Variants in STK32A observed in about 807,000 individuals in gnomAD.
The protein encoded by STK32A is serine/threonine-protein kinase 32A.
A neutral mutation model predicts 53.2 loss-of-function variants in STK32A; 41 were observed. The observed-to-expected ratio is 0.77, with a 90% CI of 0.60 to 1.00. The LOEUF is 1.00. STK32A is among the 50% of genes least tolerant of loss of function. The probability of loss-of-function intolerance (pLI) is 0.00; values close to 1 mark genes in which losing one functional copy is unlikely to be tolerated. For synonymous variants in STK32A, 166 were observed against 162.8 expected, an observed-to-expected ratio of 1.02 and a Z score of -0.15; for missense variants, 458 against 485.8, an observed-to-expected ratio of 0.94 and a Z score of 0.54.
downstream of STK32A, chr5:147,391,738 G>T (rs1757810420): frequency 6.6e-6 from 1 of 152,178 alleles, no homozygotes; most frequent in Non-Finnish European, 1.5e-5. Context: ...TTCTATGCTT[G>T]GAGAGTTAGT....
At chr5:147,259,087 G>T (rs1754372638) in intron 2 of STK32A, among the ~76,000 whole-genome samples, 1 of 152,094 alleles carries the variant, frequency 6.6e-6, no homozygotes, top group East Asian at 1.9e-4. Flanking sequence ...AATCACCCGG[G>T]AGGAACCTGT....
rs1056881451 is a variant in STK32A, at chr5:147,271,942, G to C, written c.53-6182G>C. ...TTACTTTGTGGAGCACGTGATCTCT[G>C]TGACCCACACCCTATTCGTACACTC... is the stretch of plus-strand genomic sequence containing the variant. On this transcript the variant is annotated intron_variant, in intron 2 of 12. Coordinates refer to ENST00000397936, the MANE Select transcript of STK32A (RefSeq NM_001112724.2). Among the ~76,000 whole-genome samples, 3 of 152,086 alleles carry C rather than the reference G, an allele frequency of 2.0e-5. No homozygotes were observed. The East Asian group carries it at 5.8e-4, about 29-fold the overall frequency.
At chr5:147,397,381 A>G in the STK32A span, among the ~76,000 whole-genome samples, 1 of 152,200 alleles carries the variant, frequency 6.6e-6, no homozygotes, top group East Asian at 1.9e-4. Flanking sequence ...TTAAAAAAAT[A>G]CACTGGCCTT....
intron 4 of STK32A, among the ~76,000 whole-genome samples, chr5:147,302,609 A>G (rs1753193809): frequency 1.3e-5 from 2 of 152,110 alleles, no homozygotes; most frequent in African/African-American, 4.8e-5. Flanking sequence ...TAGGTACAAG[A>G]CTATAGGGAG....
chr5:147,396,381 C>T, the STK32A span, among the ~76,000 whole-genome samples: 68,452 of 152,010 alleles, frequency 0.45, 16,179 homozygotes, highest in African/African-American at 0.56. Context: ...ATGGGAAACA[C>T]GGTACCTCCT....
chr5:147,328,880 C>T (rs561045860), intron 5 of STK32A, among the ~76,000 whole-genome samples: 1 of 152,180 alleles, frequency 6.6e-6, no homozygotes, highest in Non-Finnish European at 1.5e-5. Context: ...TGAATTTAAG[C>T]TAATGAGATG....
At chr5:147,365,360 T>C (rs991904988) in intron 8 of STK32A, among the ~76,000 whole-genome samples, 2 of 152,196 alleles carry the variant, frequency 1.3e-5, no homozygotes, top group Non-Finnish European at 2.9e-5. Context: ...CCTGAGGAAG[T>C]CATTGTAGCA....
intron 1 of STK32A, among the ~76,000 whole-genome samples, chr5:147,235,774 A>G (rs570306552): frequency 1.1e-3 from 173 of 152,336 alleles, no homozygotes; most frequent in South Asian, 5.4e-3. Flanking sequence ...TAAAATGTTT[A>G]TCACATCCGT....
intron 2 of STK32A, among the ~76,000 whole-genome samples, chr5:147,261,238 G>A (rs1163947236): frequency 2.6e-5 from 4 of 152,140 alleles, no homozygotes; most frequent in African/African-American, 4.8e-5. Context: ...AATAGCACTC[G>A]AATATAAAAT....
chr5:147,258,724 A>G (rs915995517), intron 2 of STK32A, among the ~76,000 whole-genome samples: 4 of 151,986 alleles, frequency 2.6e-5, no homozygotes, highest in African/African-American at 9.7e-5. Flanking sequence ...CTCCAAAGCC[A>G]ACTTCCTTTA....
chr5:147,327,329 C>A (rs1032937544), intron 5 of STK32A, among the ~76,000 whole-genome samples: 1 of 151,938 alleles, frequency 6.6e-6, no homozygotes, highest in African/African-American at 2.4e-5. Flanking sequence ...TTCAAGATAA[C>A]AAAACACCTT....
chr5:147,266,593 C>T (rs71580434), intron 2 of STK32A, among the ~76,000 whole-genome samples: 13,952 of 152,176 alleles, frequency 0.092, 808 homozygotes, highest in Middle Eastern at 0.18. Flanking sequence ...TACTATGATA[C>T]GTCCAAAATG....
the STK32A span, chr5:147,394,146 A>AG: frequency 4.3e-6 from 7 of 1,610,134 alleles, no homozygotes; most frequent in Admixed American, 3.4e-5. Flanking sequence ...ATAAATTCCC[A>AG]GGGGGAAAAA....
chr5:147,249,932 A>AAAAAAAAAAT, intron 2 of STK32A, among the ~76,000 whole-genome samples: 2 of 150,482 alleles, frequency 1.3e-5, no homozygotes, highest in Admixed American at 6.6e-5. Context: ...AAAAAAAAAA[A>AAAAAAAAAAT]GTGGCCTCAT....
downstream of STK32A, among the ~76,000 whole-genome samples, chr5:147,388,312 G>A (rs536140221): frequency 7.9e-5 from 12 of 152,332 alleles, no homozygotes; most frequent in Non-Finnish European, 1.0e-4. Context: ...GCAGCTAAAA[G>A]CAACCTCTGC....
At chr5:147,260,531 G>A (rs967400940) in intron 2 of STK32A, among the ~76,000 whole-genome samples, 9 of 152,044 alleles carry the variant, frequency 5.9e-5, no homozygotes, top group African/African-American at 2.2e-4. Context: ...TCAAACCAGG[G>A]ATGTCTCGCC....
At chr5:147,365,865 C>T (rs974068980) in intron 8 of STK32A, among the ~76,000 whole-genome samples, 3 of 152,138 alleles carry the variant, frequency 2.0e-5, no homozygotes, top group Non-Finnish European at 2.9e-5. Flanking sequence ...TTCTCGCCTG[C>T]CTGGAAAGAA....
chr5:147,267,701 G>A (rs1027592303), intron 2 of STK32A, among the ~76,000 whole-genome samples: 3 of 152,078 alleles, frequency 2.0e-5, no homozygotes, highest in African/African-American at 7.2e-5. Flanking sequence ...CATAAGGATA[G>A]AGGCAACATG....
intron 4 of STK32A, among the ~76,000 whole-genome samples, chr5:147,293,956 C>T (rs1435798006): frequency 6.6e-6 from 1 of 152,042 alleles, no homozygotes; most frequent in Non-Finnish European, 1.5e-5. Context: ...TTTAATTAAA[C>T]ATTATAAACA....
Sources: allele counts gnomAD v4.1 joint callset (sites outside exome capture counted in the v4.1 genomes callset), GRCh38; gene constraint gnomAD v4.1.1; transcripts MANE v1.5; gene names NCBI Gene and HGNC (gene_info 2026-07-23, HGNC 2026-07-21).